The following TGFBR3 variants were observed in gnomAD, a reference collection of about 807,000 sequenced individuals.
TGFBR3 encodes transforming growth factor beta receptor 3.
A neutral mutation model predicts 87.9 loss-of-function variants in TGFBR3; 46 were observed. That is an observed-to-expected ratio of 0.52 (90% CI 0.41 to 0.67). The LOEUF (loss-of-function observed/expected upper bound fraction) is 0.67, where lower values mean the gene tolerates loss of function less well. TGFBR3 is among the 30% of genes least tolerant of loss of function. TGFBR3 has a pLI of 0.00. For missense variants in TGFBR3, 866 were observed against 1,041.9 expected (o/e 0.83, Z 2.32); for synonymous variants, 381 against 391.6 (o/e 0.97, Z 0.32).
chr1:91,803,168 C>T (rs1292727725), intron 2 of TGFBR3, among the ~76,000 whole-genome samples: 9 of 152,324 alleles, frequency 5.9e-5, no homozygotes, highest in Admixed American at 1.3e-4. Context: ...CTTCCTGCCA[C>T]GGCCCCGTCT....
intron 2 of TGFBR3, among the ~76,000 whole-genome samples, chr1:91,895,228 ATCATACCCTTGGTATTGTCC>A (rs1408688677): frequency 2.0e-5 from 3 of 152,180 alleles, no homozygotes; most frequent in Non-Finnish European, 4.4e-5. Flanking sequence ...ATGGTTTAGT[ATCATACCCTTGGTATTGTCC>A]TCAAGATAGT....
At chr1:91,695,432 C>A (rs961485125) in intron 16 of TGFBR3, 2 of 496,736 alleles carry the variant, frequency 4.0e-6, no homozygotes, top group African/African-American at 3.9e-5. Flanking sequence ...GCTTTATTAG[C>A]GGCTAAATTT....
intron 3 of TGFBR3, among the ~76,000 whole-genome samples, chr1:91,774,438 G>A (rs1013594834): frequency 6.6e-6 from 1 of 152,096 alleles, no homozygotes; most frequent in Non-Finnish European, 1.5e-5. Flanking sequence ...GCCCGGCCTA[G>A]ATATACTTTT....
chr1:91,727,567 A>T lies in TGFBR3; in HGVS notation c.885+92T>A. ...TTGACAGAGCTTAGAGAGTCCAAAG[A>T]GGCAGGAACTTTAAAAATAACACTT... On this transcript the variant is annotated intron_variant, in intron 7 of 16. Coordinates refer to ENST00000212355, the MANE Select transcript of TGFBR3 (RefSeq NM_003243.5). The T allele has an allele frequency of 2.6e-6, 4 of 1,515,002 alleles. 1 individual carries two copies. In the South Asian group the frequency reaches 4.5e-5, roughly 17 times the overall value. 93.8% of individuals were successfully genotyped at this position (1,515,002 alleles called of 1,614,324 possible). A position where few individuals can be genotyped will look rare whatever the true frequency, so the allele number is the denominator to read the frequency against.
chr1:91,865,913 CAAAA>C (rs11330651), intron 1 of TGFBR3, among the ~76,000 whole-genome samples: 8 of 108,796 alleles, frequency 7.4e-5, no homozygotes, highest in Admixed American at 1.8e-4. Flanking sequence ...CTACGTCTCC[CAAAA>C]AAAAAAAAAA....
At chr1:91,694,762 A>G (rs144190809) in intron 16 of TGFBR3, among the ~76,000 whole-genome samples, 4 of 152,362 alleles carry the variant, frequency 2.6e-5, no homozygotes, top group Admixed American at 1.3e-4. Flanking sequence ...TGACGGATCA[A>G]TCTAGCACAG....
intron 14 of TGFBR3, among the ~76,000 whole-genome samples, chr1:91,699,954 T>C (rs2100728354): frequency 6.6e-6 from 1 of 152,368 alleles, no homozygotes; most frequent in African/African-American, 2.4e-5. Context: ...TAAGAATGAA[T>C]TTTATATTTT....
chr1:91,683,664 C>T lies in TGFBR3; in HGVS notation c.*75G>A, dbSNP rs576526609. 6 of 1,229,112 alleles carry T rather than the reference C, an allele frequency of 4.9e-6. No homozygotes were observed. Among genetic ancestry groups the T allele is most frequent in the Admixed American group, 4.0e-5 (2 of 49,634 alleles). 76.1% of individuals were successfully genotyped at this position (1,229,112 alleles called of 1,614,324 possible). A position where few individuals can be genotyped will look rare whatever the true frequency, so the allele number is the denominator to read the frequency against. ...CTCTGAGTCTGGACACGAGGCTCAG[C>T]CATTGGTCCTGCCCTTGGCAGTAGC... On this transcript the variant is annotated 3_prime_UTR_variant, in exon 17 of 17. Coordinates refer to ENST00000212355, the MANE Select transcript of TGFBR3 (RefSeq NM_003243.5).
chr1:91,752,550 G>A (rs1419666029), intron 4 of TGFBR3, among the ~76,000 whole-genome samples: 2 of 152,124 alleles, frequency 1.3e-5, no homozygotes, highest in African/African-American at 4.8e-5. Flanking sequence ...AGCATGCAAA[G>A]TGACTAAGCC....
intron 2 of TGFBR3, among the ~76,000 whole-genome samples, chr1:91,895,962 C>T (rs779915570): frequency 7.2e-5 from 11 of 152,170 alleles, no homozygotes; most frequent in Non-Finnish European, 1.0e-4. Context: ...GATCACTTCT[C>T]ACTATTTCCA....
At chr1:91,812,452 T>C (rs1676062687) in intron 2 of TGFBR3, among the ~76,000 whole-genome samples, 1 of 152,236 alleles carries the variant, frequency 6.6e-6, no homozygotes, top group South Asian at 2.1e-4. Flanking sequence ...TAATTTCTTC[T>C]TGGCCATCTT....
chr1:91,880,068 C>T (rs1407627045), intron 1 of TGFBR3, among the ~76,000 whole-genome samples: 1 of 152,160 alleles, frequency 6.6e-6, no homozygotes, highest in Non-Finnish European at 1.5e-5. Context: ...GCTCTTGGTA[C>T]ACTTAATTTT....
At chr1:91,905,600 T>A (rs972573206) in intron 1 of TGFBR3, among the ~76,000 whole-genome samples, 1 of 151,926 alleles carries the variant, frequency 6.6e-6, no homozygotes, top group Non-Finnish European at 1.5e-5. Context: ...GCAAAGCTAA[T>A]TTTTTGTATT....
At chr1:91,706,794 A>G (rs1413432053) in intron 14 of TGFBR3, among the ~76,000 whole-genome samples, 1 of 152,228 alleles carries the variant, frequency 6.6e-6, no homozygotes, top group Non-Finnish European at 1.5e-5. Context: ...CCTTTCTGGT[A>G]ACAAAATCAC....
At chr1:91,788,392 C>A (rs936076363) in intron 3 of TGFBR3, among the ~76,000 whole-genome samples, 51 of 152,072 alleles carry the variant, frequency 3.4e-4, no homozygotes, top group African/African-American at 1.2e-3. Flanking sequence ...TCCAGTGGAG[C>A]AGGGGAAGGA....
chr1:91,782,806 G>C (rs1223535737), intron 3 of TGFBR3, among the ~76,000 whole-genome samples: 1 of 152,236 alleles, frequency 6.6e-6, no homozygotes, highest in African/African-American at 2.4e-5. Flanking sequence ...CTCCCCCAAG[G>C]CACCTCGGTA....
chr1:91,782,240 G>A (rs866391251), intron 3 of TGFBR3, among the ~76,000 whole-genome samples: 5 of 152,190 alleles, frequency 3.3e-5, no homozygotes, highest in African/African-American at 7.2e-5. Flanking sequence ...GGATGAGGGC[G>A]TTCAGAATAG....
intron 6 of TGFBR3, 116 bp from the exon 7 acceptor site, chr1:91,727,922 G>A (rs1672605607): frequency 2.4e-6 from 3 of 1,250,470 alleles, no homozygotes; most frequent in South Asian, 2.5e-5. Context: ...AAAAGCTGGA[G>A]TTGATCCCAG....
chr1:91,789,303 C>G (rs962587418), intron 3 of TGFBR3, among the ~76,000 whole-genome samples: 3 of 151,418 alleles, frequency 2.0e-5, no homozygotes, highest in African/African-American at 7.3e-5. Context: ...TGAGACTCGT[C>G]TCGAAAAAAA....
Sources: allele counts gnomAD v4.1 joint callset (sites outside exome capture counted in the v4.1 genomes callset), GRCh38; gene constraint gnomAD v4.1.1; transcripts MANE v1.5; gene names NCBI Gene and HGNC (gene_info 2026-07-23, HGNC 2026-07-21).